The following LRRC7 variants were observed in gnomAD, a reference collection of about 807,000 sequenced individuals.
The protein encoded by LRRC7 is leucine rich repeat containing 7, also known as leucine-rich repeat-containing protein 7.
LRRC7 carries 23 observed loss-of-function variants against 175.7 expected under a neutral mutation model. That is an observed-to-expected ratio of 0.13 (90% CI 0.09 to 0.19). The LOEUF (loss-of-function observed/expected upper bound fraction) is 0.19, where lower values mean the gene tolerates loss of function less well. Among genes scored for constraint, LRRC7 ranks in the 10% least tolerant of loss-of-function variants. LRRC7 has a pLI of 1.00. For synonymous variants in LRRC7, 685 were observed against 680.9 expected, an observed-to-expected ratio of 1.01 and a Z score of -0.09; for missense variants, 1,354 against 1,904.7, an observed-to-expected ratio of 0.71 and a Z score of 5.38.
chr1:69,971,317 TA>T (rs1365093726), intron 8 of LRRC7, among the ~76,000 whole-genome samples: 1 of 152,064 alleles, frequency 6.6e-6, no homozygotes, highest in East Asian at 1.9e-4. Flanking sequence ...TCCAAATTGG[TA>T]AAGAAGAAGT....
At chr1:69,860,220 CT>C (rs1557821777) in intron 7 of LRRC7, among the ~76,000 whole-genome samples, 3 of 151,542 alleles carry the variant, frequency 2.0e-5, no homozygotes, top group South Asian at 4.2e-4. Flanking sequence ...TTGTTTGGAT[CT>C]TTTTTTTCCA....
At position 69,777,233 on chromosome 1, in the gene LRRC7, G is replaced by A. The variant is rs556124176; in HGVS notation, c.304-14810G>A. Among the ~76,000 whole-genome samples, 46 of 152,316 alleles carry A rather than the reference G, an allele frequency of 3.0e-4. No individual in the cohort carries two copies. In the South Asian group the frequency reaches 9.3e-3, roughly 31 times the overall value. Reference sequence around the variant, plus strand: ...GGTATGCGGGATGCCAACAGCAGGAGGAACTCTTTTTAGAAGAATGAAATC... The same window carrying A: ...GGTATGCGGGATGCCAACAGCAGGAAGAACTCTTTTTAGAAGAATGAAATC... On this transcript the variant is annotated intron_variant, in intron 3 of 26. Coordinates refer to ENST00000651989, the MANE Select transcript of LRRC7 (RefSeq NM_001370785.2).
At chr1:69,671,100 C>G (rs370176609) in intron 1 of LRRC7, among the ~76,000 whole-genome samples, 1 of 152,218 alleles carries the variant, frequency 6.6e-6, no homozygotes, top group African/African-American at 2.4e-5. Context: ...CCATAGCCAC[C>G]ACAACTGGGA....
chr1:69,760,737 C>T (rs74086697), intron 3 of LRRC7, among the ~76,000 whole-genome samples: 2,129 of 151,988 alleles, frequency 0.014, 48 homozygotes, highest in African/African-American at 0.049. Flanking sequence ...TACTCCAGAA[C>T]TGAAAATTTC....
At chr1:69,634,739 G>C (rs1005973023) in intron 1 of LRRC7, among the ~76,000 whole-genome samples, 3 of 151,952 alleles carry the variant, frequency 2.0e-5, no homozygotes, top group Non-Finnish European at 4.4e-5. Flanking sequence ...GGGTACTTTG[G>C]ACATGGCACA....
At chr1:70,062,085 G>A (rs927292630) in intron 23 of LRRC7, among the ~76,000 whole-genome samples, 2 of 152,018 alleles carry the variant, frequency 1.3e-5, no homozygotes, top group African/African-American at 4.8e-5. Context: ...AACACCAATA[G>A]GAGGCTTTTG....
chr1:70,079,066 A>G (rs1663022500), intron 24 of LRRC7, among the ~76,000 whole-genome samples: 1 of 152,168 alleles, frequency 6.6e-6, no homozygotes, highest in Non-Finnish European at 1.5e-5. Context: ...TTACTTTCCT[A>G]AGTTATATTT....
chr1:69,813,073 A>G (rs987523507), intron 4 of LRRC7, among the ~76,000 whole-genome samples: 2 of 151,990 alleles, frequency 1.3e-5, no homozygotes, highest in African/African-American at 4.8e-5. Context: ...AACCCTCCCT[A>G]TCTTCAAACA....
At chr1:69,941,223 G>T (rs555040895) in intron 8 of LRRC7, among the ~76,000 whole-genome samples, 29 of 152,204 alleles carry the variant, frequency 1.9e-4, no homozygotes, top group Non-Finnish European at 2.6e-4. Context: ...AGAGAACCCT[G>T]TAAGACATTT....
At chr1:70,050,177 A>T (rs1359525819) in intron 22 of LRRC7, among the ~76,000 whole-genome samples, 2 of 152,080 alleles carry the variant, frequency 1.3e-5, no homozygotes, top group African/African-American at 4.8e-5. Flanking sequence ...ACATATATAG[A>T]TATAGAGAAA....
At chr1:69,685,850 C>T (rs561143031) in intron 2 of LRRC7, among the ~76,000 whole-genome samples, 98 of 150,550 alleles carry the variant, frequency 6.5e-4, no homozygotes, top group African/African-American at 2.2e-3. Flanking sequence ...TGACAAAAGA[C>T]GTAAATCTAG....
intron 9 of LRRC7, among the ~76,000 whole-genome samples, chr1:69,985,870 T>C (rs893995779): frequency 6.6e-6 from 1 of 152,256 alleles, no homozygotes; most frequent in East Asian, 1.9e-4. Flanking sequence ...ATTTGATTTA[T>C]GTGTTCATCA....
chr1:70,110,969 A>G (rs936806956), intron 26 of LRRC7, among the ~76,000 whole-genome samples: 1 of 152,186 alleles, frequency 6.6e-6, no homozygotes, highest in Non-Finnish European at 1.5e-5. Context: ...CTATCACTTA[A>G]AAGATCAGAA....
intron 7 of LRRC7, among the ~76,000 whole-genome samples, chr1:69,888,565 A>G (rs1435450425): frequency 6.6e-6 from 1 of 152,066 alleles, no homozygotes; most frequent in Non-Finnish European, 1.5e-5. Flanking sequence ...AAATGCAGAA[A>G]TCACCCGTCT....
intron 24 of LRRC7, among the ~76,000 whole-genome samples, chr1:70,087,216 T>C (rs1410042227): frequency 6.6e-6 from 1 of 152,212 alleles, no homozygotes; most frequent in East Asian, 1.9e-4. Context: ...AAAATAGATA[T>C]AGTCGCTACC....
intron 3 of LRRC7, among the ~76,000 whole-genome samples, chr1:69,774,179 G>T (rs1672556434): frequency 6.6e-6 from 1 of 152,158 alleles, no homozygotes; most frequent in Admixed American, 6.5e-5. Flanking sequence ...ACAAAGCCAG[G>T]TGGGCATCAC....
intron 24 of LRRC7, among the ~76,000 whole-genome samples, chr1:70,088,358 A>T (rs77067381): frequency 0.012 from 1,845 of 152,130 alleles, 19 homozygotes; most frequent in Non-Finnish European, 0.018. Context: ...GGAGTTCGAG[A>T]CTAGCCCGGG....
chr1:69,685,320 C>G (rs1398848216), intron 2 of LRRC7, among the ~76,000 whole-genome samples: 1 of 152,072 alleles, frequency 6.6e-6, no homozygotes, highest in Non-Finnish European at 1.5e-5. Flanking sequence ...ATTCAAAATG[C>G]AGTTGACTGT....
At chr1:69,870,799 G>T (rs1356118077) in intron 7 of LRRC7, among the ~76,000 whole-genome samples, 2 of 151,964 alleles carry the variant, frequency 1.3e-5, no homozygotes, top group Non-Finnish European at 2.9e-5. Context: ...TTCTGTAGAG[G>T]CTTGGAAGCC....
Sources: allele counts gnomAD v4.1 joint callset (sites outside exome capture counted in the v4.1 genomes callset), GRCh38; gene constraint gnomAD v4.1.1; transcripts MANE v1.5; gene names NCBI Gene and HGNC (gene_info 2026-07-23, HGNC 2026-07-21).